Variants in SEMA5A observed in about 807,000 individuals in gnomAD.
SEMA5A encodes semaphorin-5A.
Under a neutral mutation model 135.5 loss-of-function variants are expected in SEMA5A, and 55 were observed. The ratio of observed to expected loss-of-function variants is 0.41; its 90% CI spans 0.33 to 0.51. SEMA5A has a LOEUF of 0.51. SEMA5A is among the 20% of genes least tolerant of loss of function. The pLI, the probability that SEMA5A is intolerant of heterozygous loss-of-function variation, is 0.37. For missense variants in SEMA5A, 1,290 were observed against 1,419.9 expected (o/e 0.91, Z 1.47); for synonymous variants, 580 against 546.5 (o/e 1.06, Z -0.85).
At chr5:9,337,661 T>C in intron 4 of SEMA5A, 52 bp downstream of exon 4, 1 of 1,188,438 alleles carries the variant, frequency 8.4e-7, no homozygotes, top group Non-Finnish European at 1.3e-6. Flanking sequence ...ACTGCACAGA[T>C]GTAAAATGAA....
chr5:9,205,640 G>T (rs957742389), intron 8 of SEMA5A, among the ~76,000 whole-genome samples: 3 of 152,142 alleles, frequency 2.0e-5, no homozygotes, highest in African/African-American at 7.2e-5. Context: ...GTCCATTTTA[G>T]ATAGAAATGC....
chr5:9,516,535 A>T (rs889417261), intron 1 of SEMA5A: 4 of 152,026 alleles, frequency 2.6e-5, no homozygotes, highest in African/African-American at 9.7e-5. Flanking sequence ...TCTTCACTTT[A>T]GTATGAACAA....
chr5:9,510,796 C>A (rs1391175149), intron 1 of SEMA5A, among the ~76,000 whole-genome samples: 1 of 152,160 alleles, frequency 6.6e-6, no homozygotes, highest in African/African-American at 2.4e-5. Flanking sequence ...CCTAAGGCTA[C>A]CTTTGTAATT....
intron 9 of SEMA5A, among the ~76,000 whole-genome samples, chr5:9,198,976 A>G (rs1002495435): frequency 6.6e-6 from 1 of 152,122 alleles, no homozygotes; most frequent in African/African-American, 2.4e-5. Flanking sequence ...GAACCTACAG[A>G]TCCTGAGAAG....
intron 5 of SEMA5A, chr5:9,280,714 A>G (rs1363755265): frequency 4.0e-6 from 1 of 248,448 alleles, no homozygotes; most frequent in African/African-American, 2.3e-5. Flanking sequence ...AACCAACCAA[A>G]ATTTTTACAT....
chr5:9,224,547 C>T lies in SEMA5A; in HGVS notation c.646+127G>A, dbSNP rs928078085. On this transcript the variant is annotated intron_variant, in intron 8 of 22. Transcript: ENST00000382496. ...TTTATCATTAGTCCTGAACAAGCGACACTTTGATTTCTTTAGAAGATGAAG... is the reference window on the plus strand; with the variant it reads ...TTTATCATTAGTCCTGAACAAGCGATACTTTGATTTCTTTAGAAGATGAAG... 1.6e-5 allele frequency: 13 copies of T among 817,466 alleles called. No individual in the cohort carries two copies. The African/African-American group carries it at 2.1e-4, about 13-fold the overall frequency. The allele number at this position is 817,466 out of a possible 1,614,324, so 50.6% of individuals were successfully genotyped here.
chr5:9,068,408 G>T (rs372133774), intron 16 of SEMA5A, among the ~76,000 whole-genome samples: 2 of 152,172 alleles, frequency 1.3e-5, no homozygotes, highest in East Asian at 3.9e-4. Flanking sequence ...CTGGATGCTG[G>T]AGGCTGAGCC....
intron 3 of SEMA5A, among the ~76,000 whole-genome samples, chr5:9,349,638 G>A (rs775773509): frequency 9.2e-5 from 14 of 152,148 alleles, no homozygotes; most frequent in African/African-American, 2.2e-4. Context: ...GGTGGCTCAC[G>A]TCTGTAATCC....
chr5:9,227,694 G>A (rs1199148931), intron 6 of SEMA5A, among the ~76,000 whole-genome samples: 3 of 151,978 alleles, frequency 2.0e-5, no homozygotes, highest in African/African-American at 2.4e-5. Flanking sequence ...GGGACTACAG[G>A]TGCCCGCCAC....
chr5:9,475,970 A>C (rs1303995279), intron 1 of SEMA5A, among the ~76,000 whole-genome samples: 3 of 152,262 alleles, frequency 2.0e-5, no homozygotes, highest in African/African-American at 7.2e-5. Context: ...ATATTCTTCG[A>C]AACATATCCA....
chr5:9,481,481 A>T (rs377393563), intron 1 of SEMA5A, among the ~76,000 whole-genome samples: 81 of 152,298 alleles, frequency 5.3e-4, no homozygotes, highest in African/African-American at 1.5e-3. Context: ...TTATTTTTTT[A>T]AAATCATCAG....
chr5:9,330,869 G>C (rs1439784151), intron 4 of SEMA5A, among the ~76,000 whole-genome samples: 1 of 152,120 alleles, frequency 6.6e-6, no homozygotes, highest in African/African-American at 2.4e-5. Context: ...GATTTGATTG[G>C]AAGAGGACAA....
chr5:9,130,724 C>A (rs1474861257), intron 13 of SEMA5A, among the ~76,000 whole-genome samples: 1 of 152,198 alleles, frequency 6.6e-6, no homozygotes, highest in African/African-American at 2.4e-5. Flanking sequence ...TATTAAGATT[C>A]TATCACAAAA....
chr5:9,322,308 C>A (rs974593588), intron 4 of SEMA5A, among the ~76,000 whole-genome samples: 1 of 152,066 alleles, frequency 6.6e-6, no homozygotes, highest in Non-Finnish European at 1.5e-5. Context: ...AGCTATGGTG[C>A]CCTTCCAATC....
intron 1 of SEMA5A, among the ~76,000 whole-genome samples, chr5:9,539,584 CTG>C (rs1406901231): frequency 4.6e-5 from 7 of 152,126 alleles, no homozygotes; most frequent in African/African-American, 1.7e-4. Context: ...TTCAATTTTT[CTG>C]TGTTTTAATA....
At chr5:9,171,816 G>A (rs1374371893) in intron 11 of SEMA5A, among the ~76,000 whole-genome samples, 1 of 152,194 alleles carries the variant, frequency 6.6e-6, no homozygotes, top group African/African-American at 2.4e-5. Flanking sequence ...TGGAGGATGA[G>A]AGGTCAGTGC....
chr5:9,434,412 T>C (rs998428519), intron 2 of SEMA5A, among the ~76,000 whole-genome samples: 1 of 152,140 alleles, frequency 6.6e-6, no homozygotes, highest in Non-Finnish European at 1.5e-5. Flanking sequence ...GAGCATTCAC[T>C]ACATTAATGC....
chr5:9,497,291 A>C (rs2126812042), intron 1 of SEMA5A, among the ~76,000 whole-genome samples: 1 of 152,336 alleles, frequency 6.6e-6, no homozygotes, highest in Non-Finnish European at 1.5e-5. Flanking sequence ...ATCTTGCTGC[A>C]AAATGTATGC....
chr5:9,094,421 G>C (rs1055179000), intron 16 of SEMA5A, among the ~76,000 whole-genome samples: 1 of 152,192 alleles, frequency 6.6e-6, no homozygotes, highest in African/African-American at 2.4e-5. Context: ...AGTTTCAGAC[G>C]TCAAGGCCTT....
Sources: allele counts gnomAD v4.1 joint callset (sites outside exome capture counted in the v4.1 genomes callset), GRCh38; gene constraint gnomAD v4.1.1; transcripts MANE v1.5; gene names NCBI Gene and HGNC (gene_info 2026-07-23, HGNC 2026-07-21).